Variants in EPHA5 observed in about 807,000 individuals in gnomAD.
The protein encoded by EPHA5 is EPH receptor A5.
A neutral mutation model predicts 105.0 loss-of-function variants in EPHA5; 60 were observed. That is an observed-to-expected ratio of 0.57 (90% CI 0.46 to 0.71). The LOEUF is 0.71. Ranked by LOEUF, EPHA5 falls within the 30% of genes least tolerant of loss-of-function variation. The pLI, the probability that EPHA5 is intolerant of heterozygous loss-of-function variation, is 0.00. For missense variants in EPHA5, 1,218 were observed against 1,274.7 expected (o/e 0.96, Z 0.68); for synonymous variants, 513 against 449.1 (o/e 1.14, Z -1.80).
At chr4:65,578,428 C>CA (rs1445818910) in intron 3 of EPHA5, among the ~76,000 whole-genome samples, 2 of 152,126 alleles carry the variant, frequency 1.3e-5, no homozygotes, top group Non-Finnish European at 2.9e-5. Flanking sequence ...CTCAGGGAGC[C>CA]AGGCTGTGTT....
intron 3 of EPHA5, among the ~76,000 whole-genome samples, chr4:65,577,667 T>A (rs1162190598): frequency 3.3e-5 from 5 of 152,186 alleles, no homozygotes; most frequent in Admixed American, 3.3e-4. Context: ...TGAAATAGAC[T>A]AGGTAACTTA....
At chr4:65,415,493 G>A (rs911448353) in intron 6 of EPHA5, among the ~76,000 whole-genome samples, 2 of 151,600 alleles carry the variant, frequency 1.3e-5, no homozygotes, top group African/African-American at 4.8e-5. Context: ...TTCTTTTAAA[G>A]CAATTTACCA....
chr4:65,381,930 A>G (rs190750270), intron 8 of EPHA5, among the ~76,000 whole-genome samples: 16 of 151,938 alleles, frequency 1.1e-4, no homozygotes, highest in Middle Eastern at 3.4e-3. Context: ...ACATTAAAAT[A>G]TCAACACCTT....
At chr4:65,371,651 A>C (rs1474477612) in intron 8 of EPHA5, among the ~76,000 whole-genome samples, 2 of 152,062 alleles carry the variant, frequency 1.3e-5, no homozygotes, top group African/African-American at 4.8e-5. Flanking sequence ...AGTAATGTAC[A>C]CAAGCAGTAC....
At chr4:65,585,794 A>C (rs1174183014) in intron 3 of EPHA5, among the ~76,000 whole-genome samples, 1 of 151,824 alleles carries the variant, frequency 6.6e-6, no homozygotes, top group African/African-American at 2.4e-5. Context: ...ATGAATTAGG[A>C]ACAATTTACA....
intron 1 of EPHA5, among the ~76,000 whole-genome samples, chr4:65,652,311 G>A (rs975805570): frequency 6.6e-6 from 1 of 152,126 alleles, no homozygotes; most frequent in Non-Finnish European, 1.5e-5. Flanking sequence ...CTGCTACTGT[G>A]TGACCTTGAG....
At chr4:65,507,274 G>T (rs1179686417) in intron 3 of EPHA5, among the ~76,000 whole-genome samples, 1 of 152,110 alleles carries the variant, frequency 6.6e-6, no homozygotes, top group African/African-American at 2.4e-5. Context: ...CTGTAGCCTT[G>T]TAGTATAGTT....
At chr4:65,477,248 T>G (rs929689837) in intron 5 of EPHA5, among the ~76,000 whole-genome samples, 1 of 152,174 alleles carries the variant, frequency 6.6e-6, no homozygotes, top group Non-Finnish European at 1.5e-5. Context: ...AGGACAATGA[T>G]ATAAGAAAAT....
chr4:65,643,272 A>T, intron 2 of EPHA5, 91 bp downstream of exon 2: 2 of 1,032,868 alleles, frequency 1.9e-6, no homozygotes, highest in South Asian at 1.3e-5. Flanking sequence ...TTAACAACAT[A>T]TACATCCAGT....
At chr4:65,408,402 G>A (rs1722578786) in intron 7 of EPHA5, among the ~76,000 whole-genome samples, 1 of 151,950 alleles carries the variant, frequency 6.6e-6, no homozygotes, top group Non-Finnish European at 1.5e-5. Context: ...GAAATATCAT[G>A]GGAACACTTA....
At chr4:65,513,273 T>G (rs1733793539) in intron 3 of EPHA5, among the ~76,000 whole-genome samples, 1 of 152,220 alleles carries the variant, frequency 6.6e-6, no homozygotes, top group African/African-American at 2.4e-5. Flanking sequence ...GTTTTTGTTT[T>G]TTCTATATTT....
chr4:65,585,120 T>TTG (rs76180882), intron 3 of EPHA5, among the ~76,000 whole-genome samples: 8,594 of 148,928 alleles, frequency 0.058, 715 homozygotes, highest in African/African-American at 0.19. Flanking sequence ...GCATGTGTGT[T>TTG]TGTGTGTGTG....
chr4:65,378,521 A>C, intron 8 of EPHA5, among the ~76,000 whole-genome samples: 1 of 151,946 alleles, frequency 6.6e-6, no homozygotes, highest in East Asian at 1.9e-4. Context: ...CACTCAGATT[A>C]GGGGTTGGCA....
chr4:65,591,109 G>T lies in EPHA5; in HGVS notation c.910+10532C>A, dbSNP rs187856560. On this transcript the variant is annotated intron_variant, in intron 3 of 16. Transcript: ENST00000613740. ...ACTCATGTTAAATTTTTATTAAGGTGATGAAACAAGATGTGCTAAAAAAGT... is the reference window on the plus strand; with the variant it reads ...ACTCATGTTAAATTTTTATTAAGGTTATGAAACAAGATGTGCTAAAAAAGT... 2.4e-4 allele frequency among the ~76,000 whole-genome samples: 37 copies of T among 152,100 alleles called. No individual in the cohort carries two copies. In the East Asian group the frequency reaches 6.8e-3, roughly 28 times the overall value.
intron 2 of EPHA5, among the ~76,000 whole-genome samples, chr4:65,637,594 A>ATATATATATATATG (rs1390945299): frequency 6.8e-6 from 1 of 146,214 alleles, no homozygotes; most frequent in African/African-American, 2.5e-5. Context: ...ATATATATAT[A>ATATATATATATATG]TATACGTATA....
At chr4:65,575,892 G>A (rs1395699337) in intron 3 of EPHA5, among the ~76,000 whole-genome samples, 1 of 150,988 alleles carries the variant, frequency 6.6e-6, no homozygotes, top group African/African-American at 2.4e-5. Context: ...CAGGAGAATT[G>A]CTTGAACCTG....
At chr4:65,641,657 T>C (rs764138951) in intron 2 of EPHA5, among the ~76,000 whole-genome samples, 5 of 152,086 alleles carry the variant, frequency 3.3e-5, no homozygotes, top group East Asian at 1.9e-4. Context: ...CTGAATCCCA[T>C]ACACATTTTT....
intron 2 of EPHA5, among the ~76,000 whole-genome samples, chr4:65,619,885 T>C (rs566871599): frequency 8.6e-5 from 13 of 151,728 alleles, no homozygotes; most frequent in African/African-American, 2.7e-4. Flanking sequence ...TCTAAAACAC[T>C]CATTCATAAC....
At chr4:65,329,224 A>G (rs1028310738) in intron 16 of EPHA5, among the ~76,000 whole-genome samples, 1 of 151,374 alleles carries the variant, frequency 6.6e-6, no homozygotes, top group Non-Finnish European at 1.5e-5. Flanking sequence ...GTTTTCATAT[A>G]AATACTGAAC....
Sources: gnomAD v4.1 joint callset for allele counts (sites outside exome capture counted in the v4.1 genomes callset) on GRCh38, gnomAD v4.1.1 for gene constraint, MANE v1.5 for transcripts, NCBI Gene and HGNC (gene_info 2026-07-23, HGNC 2026-07-21) for gene names.